The following SSX2IP variants were observed in gnomAD, a reference collection of about 807,000 sequenced individuals.
The protein encoded by SSX2IP is SSX family member 2 interacting protein, also known as afadin- and alpha-actinin-binding protein.
Under a neutral mutation model 84.9 loss-of-function variants are expected in SSX2IP, and 55 were observed. That is an observed-to-expected ratio of 0.65 (90% CI 0.52 to 0.81). The LOEUF (loss-of-function observed/expected upper bound fraction) is 0.81, where lower values mean the gene tolerates loss of function less well. Ranked by LOEUF, SSX2IP falls within the 30% of genes least tolerant of loss-of-function variation. The pLI is 0.00. For synonymous variants in SSX2IP, 239 were observed against 234.7 expected (o/e 1.02, Z -0.17); for missense variants, 664 against 705.2 (o/e 0.94, Z 0.66).
intron 13 of SSX2IP, 131 bp from the exon 14 acceptor site, chr1:84,647,738 T>A: frequency 3.1e-4 from 133 of 435,726 alleles, no homozygotes; most frequent in Middle Eastern, 8.3e-4. Flanking sequence ...AAATATAATT[T>A]AAAATTTTAC....
chr1:84,659,679 T>A lies in SSX2IP; in HGVS notation c.928-1211A>T, dbSNP rs1651640701. Reference sequence around the variant, plus strand: ...TGGGCGTGGTGGTGCATGCCTGTACTTCCAGCTACTCAGGAGGCTGAGGCA... The same window carrying A: ...TGGGCGTGGTGGTGCATGCCTGTACATCCAGCTACTCAGGAGGCTGAGGCA... On this transcript the variant is annotated intron_variant, in intron 8 of 13. Transcript: ENST00000342203. 2.0e-5 allele frequency among the ~76,000 whole-genome samples: 3 copies of A among 151,786 alleles called. No homozygotes were observed. The South Asian group carries it at 6.2e-4, about 32-fold the overall frequency.
intron 5 of SSX2IP, 36 bp from the exon 6 acceptor site, chr1:84,664,588 G>A (rs946161168): frequency 6.0e-6 from 9 of 1,495,214 alleles, no homozygotes; most frequent in Non-Finnish European, 8.0e-6. Context: ...GCCCAGTAAC[G>A]ATTCACAAAT....
At chr1:84,650,852 C>T (rs532572028) in intron 12 of SSX2IP, among the ~76,000 whole-genome samples, 98 of 152,106 alleles carry the variant, frequency 6.4e-4, no homozygotes, top group Non-Finnish European at 1.3e-3. Context: ...CTACAGGGGC[C>T]CGCCACCATG....
At chr1:84,682,506 T>A (rs1655218049) in intron 1 of SSX2IP, among the ~76,000 whole-genome samples, 1 of 147,876 alleles carries the variant, frequency 6.8e-6, no homozygotes, top group East Asian at 2.0e-4. Flanking sequence ...TGTCTTCACT[T>A]TTTTTTTTTT....
intron 1 of SSX2IP, among the ~76,000 whole-genome samples, chr1:84,683,213 T>C (rs917681606): frequency 6.6e-6 from 1 of 151,966 alleles, no homozygotes; most frequent in African/African-American, 2.4e-5. Context: ...CACCTATCAA[T>C]CCGTCATCTA....
intron 11 of SSX2IP, among the ~76,000 whole-genome samples, chr1:84,653,769 AAAAC>A (rs1650675088): frequency 6.6e-6 from 1 of 152,218 alleles, no homozygotes; most frequent in Non-Finnish European, 1.5e-5. Context: ...AAACATTGAG[AAAAC>A]TAATATAGAA....
intron 13 of SSX2IP, among the ~76,000 whole-genome samples, chr1:84,648,936 G>T (rs930571846): frequency 1.3e-5 from 2 of 151,976 alleles, no homozygotes; most frequent in Non-Finnish European, 2.9e-5. Context: ...CTCCAATAGT[G>T]CCTCCTAACT....
At chr1:84,656,244 T>G in intron 10 of SSX2IP, 104 bp downstream of exon 10, 1 of 1,218,652 alleles carries the variant, frequency 8.2e-7, no homozygotes, top group Non-Finnish European at 1.1e-6. Context: ...TAGAAATCTG[T>G]CAAATACCAG....
intron 4 of SSX2IP, 122 bp from the exon 5 acceptor site, chr1:84,666,354 G>A (rs1052274041): frequency 2.5e-5 from 17 of 677,858 alleles, no homozygotes; most frequent in Non-Finnish European, 4.3e-5. Context: ...TCAAATGTTA[G>A]TGGCACATGA....
At position 84,661,109 on chromosome 1, in the gene SSX2IP, T is replaced by A. The variant is rs546733038; in HGVS notation, c.927+1089A>T. Among the ~76,000 whole-genome samples the A allele has an allele frequency of 4.0e-5, 6 of 150,768 alleles. No homozygotes were observed. The East Asian group carries it at 1.2e-3, about 29-fold the overall frequency. ...AAAAAATTTAGGTAATTTTTTTTTTTAAATGTTAAGGAGAAAAAAAGGTAA... is the reference window on the plus strand; with the variant it reads ...AAAAAATTTAGGTAATTTTTTTTTTAAAATGTTAAGGAGAAAAAAAGGTAA... On this transcript the variant is annotated intron_variant, in intron 8 of 13. Transcript: ENST00000342203.
chr1:84,689,400 T>C (rs1240064075), intron 1 of SSX2IP, among the ~76,000 whole-genome samples: 1 of 152,172 alleles, frequency 6.6e-6, no homozygotes, highest in African/African-American at 2.4e-5. Flanking sequence ...CTCTACACCT[T>C]GACTCTAATC....
At position 84,664,408 on chromosome 1, in the gene SSX2IP, G is replaced by A. The variant is rs1365906060; in HGVS notation, c.673+9C>T. On this transcript the variant is annotated intron_variant, in intron 6 of 13. Coordinates refer to ENST00000342203, the MANE Select transcript of SSX2IP (RefSeq NM_001166293.2). ...TTATTCTCTTAGCTGATCTTTGCCA[G>A]CTGTTTACCTATTTTCTTATCTTTC... 1 of 1,567,324 alleles carries A rather than the reference G, an allele frequency of 6.4e-7. No individual in the cohort carries two copies.
At chr1:84,648,348 A>G (rs1649744735) in intron 13 of SSX2IP, among the ~76,000 whole-genome samples, 2 of 152,208 alleles carry the variant, frequency 1.3e-5, no homozygotes, top group African/African-American at 4.8e-5. Flanking sequence ...TAAGCTCCAA[A>G]ATTGTTTCTA....
chr1:84,669,961 T>G lies in SSX2IP; in HGVS notation c.214-68A>C, dbSNP rs977658773. The G allele has an allele frequency of 3.5e-6, 4 of 1,143,642 alleles. No homozygotes were observed. In the African/African-American group the frequency reaches 6.2e-5, roughly 18 times the overall value. The allele number at this position is 1,143,642 out of a possible 1,614,324, so 70.8% of individuals were successfully genotyped here. On this transcript the variant is annotated intron_variant, in intron 3 of 13. Coordinates refer to ENST00000342203, the MANE Select transcript of SSX2IP (RefSeq NM_001166293.2). Reference sequence around the variant, plus strand: ...GAGATACTGGTCAGAGGATACAAACTTTCAGTTAGATAGGAAGAATAAGTT... The same window carrying G: ...GAGATACTGGTCAGAGGATACAAACGTTCAGTTAGATAGGAAGAATAAGTT...
Position 84,660,895 on chromosome 1 carries a change from CAAAAAAAAAAA to C in SSX2IP, c.927+1292_927+1302del, listed in dbSNP as rs11362631. ...GTAAAACCCCGTCTCTACTAAAATA[CAAAAAAAAAAA>C]AAAAAAAAAAATTAGCCGGGCATGG... On this transcript the variant is annotated intron_variant, in intron 8 of 13. Transcript: ENST00000342203. Among the ~76,000 whole-genome samples, 203 of 98,030 alleles carry C rather than the reference CAAAAAAAAAAA, an allele frequency of 2.1e-3. 2 individuals carry two copies. The highest frequency in any genetic ancestry group is 0.012 in the East Asian group (39 of 3,296). 64.3% of individuals were successfully genotyped at this position (98,030 alleles called of 152,430 possible). A position where few individuals can be genotyped will look rare whatever the true frequency, so the allele number is the denominator to read the frequency against.
At chr1:84,663,919 T>C (rs1652396937) in intron 6 of SSX2IP, among the ~76,000 whole-genome samples, 1 of 152,142 alleles carries the variant, frequency 6.6e-6, no homozygotes, top group Non-Finnish European at 1.5e-5. Context: ...AAGACTACTA[T>C]TAGGAAAAAA....
intron 1 of SSX2IP, among the ~76,000 whole-genome samples, chr1:84,688,539 C>T (rs1239492213): frequency 1.3e-5 from 2 of 152,176 alleles, no homozygotes; most frequent in South Asian, 2.1e-4. Flanking sequence ...GGCACTCAAA[C>T]GCCTACTTTA....
At chr1:84,658,664 A>C (rs942158541) in intron 8 of SSX2IP, among the ~76,000 whole-genome samples, 196 bp from the exon 9 acceptor site, 1 of 152,216 alleles carries the variant, frequency 6.6e-6, no homozygotes, top group Non-Finnish European at 1.5e-5. Context: ...CTCTCTCTAA[A>C]CCTGAATTTG....
In SSX2IP at chr1:84,650,451, T is replaced by C. The variant is rs145146675; in HGVS notation, c.1581A>G (p.Pro527=). 2,570 of 1,614,206 alleles carry C rather than the reference T, an allele frequency of 1.6e-3. 14 individuals are homozygous for C. The highest frequency in any genetic ancestry group is 0.015 in the Middle Eastern group (91 of 6,062). The change falls in exon 13 of 14, where the codon CCA becomes CCG. Residue 527 remains proline (P), a synonymous_variant. Coordinates refer to ENST00000342203, the MANE Select transcript of SSX2IP (RefSeq NM_001166293.2). ...ATTTAGTAAGTTTAGACATGCAAAC[T>C]GGAGACCCATTAGACACACTGTGAG... ...KKPHSVSNGS[P]VCMSKLTKSL...
Sources: allele counts gnomAD v4.1 joint callset (sites outside exome capture counted in the v4.1 genomes callset), GRCh38; gene constraint gnomAD v4.1.1; transcripts MANE v1.5; gene names NCBI Gene and HGNC (gene_info 2026-07-23, HGNC 2026-07-21).